Variants in ABCA8 observed in about 807,000 individuals in gnomAD.
ABCA8 encodes ATP binding cassette subfamily A member 8.
Under a neutral mutation model 192.3 loss-of-function variants are expected in ABCA8, and 177 were observed. That is an observed-to-expected ratio of 0.92 (90% CI 0.81 to 1.04). The LOEUF is 1.04. Among genes scored for constraint, ABCA8 ranks in the 50% least tolerant of loss-of-function variants. The pLI is 0.00. For synonymous variants in ABCA8, 642 were observed against 690.2 expected, an observed-to-expected ratio of 0.93 and a Z score of 1.09; for missense variants, 1,915 against 1,904.8, an observed-to-expected ratio of 1.01 and a Z score of -0.10.
At chr17:68,943,255 T>C (rs1032052694) in intron 2 of ABCA8, among the ~76,000 whole-genome samples, 9 of 152,172 alleles carry the variant, frequency 5.9e-5, no homozygotes, top group African/African-American at 2.2e-4. Flanking sequence ...CATTTTAAAG[T>C]GACATTTATT....
intron 11 of ABCA8, among the ~76,000 whole-genome samples, chr17:68,922,561 A>G (rs2067574582): frequency 6.6e-6 from 1 of 152,070 alleles, no homozygotes; most frequent in Admixed American, 6.6e-5. Context: ...AAGGTTCCAT[A>G]GATTGGGGTA....
At chr17:68,880,192 C>G (rs1235427966) in intron 32 of ABCA8, 2 of 152,396 alleles carry the variant, frequency 1.3e-5, no homozygotes, top group Non-Finnish European at 2.9e-5. Flanking sequence ...CAGCCAGATT[C>G]ACACAGACTT....
rs1027320838 is a variant in ABCA8 at position 68,911,732 on chromosome 17, A to C, written c.2139-3853T>G. 7.4e-5 allele frequency among the ~76,000 whole-genome samples: 6 copies of C among 81,620 alleles called. No homozygotes were observed. Among genetic ancestry groups the C allele is most frequent in the Non-Finnish European group, 1.0e-4 (4 of 38,160 alleles). The allele number at this position is 81,620 out of a possible 152,430, so 53.5% of individuals were successfully genotyped here. On this transcript the variant is annotated intron_variant, in intron 17 of 39. Coordinates refer to ENST00000586539, the MANE Select transcript of ABCA8 (RefSeq NM_001288985.2). This position sits in a 1 kb window ranked among gnomAD's most constrained non-coding sequence, Gnocchi z 5.7. ...CCCCTCTGCCAGCTCCAGACAGCTC[A>C]ATACACACACACACACACACACACA...
At chr17:68,940,362 C>G (rs1234092771) in intron 4 of ABCA8, among the ~76,000 whole-genome samples, 2 of 152,032 alleles carry the variant, frequency 1.3e-5, no homozygotes, top group Admixed American at 6.6e-5. Context: ...TTTTCTTTGT[C>G]TATAAGAACA....
intron 21 of ABCA8, among the ~76,000 whole-genome samples, chr17:68,899,714 A>G (rs1211477765): frequency 6.6e-6 from 1 of 152,234 alleles, no homozygotes; most frequent in Non-Finnish European, 1.5e-5. Context: ...GACATCAAAC[A>G]AGCCTCAACA....
rs775535928 is a variant in ABCA8 at position 68,876,611 on chromosome 17, C to A, written c.4275+17G>T. 3.7e-6 allele frequency: 6 copies of A among 1,614,028 alleles called. No homozygotes were observed. In the African/African-American group the frequency reaches 8.0e-5, roughly 22 times the overall value. ...CATCTATGGCACTTGCAGAGCAACA[C>A]CAAGCCCTGCCCGTACCTTTCTCTT... On this transcript the variant is annotated intron_variant, in intron 34 of 39. Coordinates refer to ENST00000586539, the MANE Select transcript of ABCA8 (RefSeq NM_001288985.2).
At chr17:68,873,096 G>GCTC (rs1327153886) in intron 37 of ABCA8, among the ~76,000 whole-genome samples, 2 of 152,128 alleles carry the variant, frequency 1.3e-5, no homozygotes, top group Non-Finnish European at 1.5e-5. Context: ...CTCACCAATG[G>GCTC]TCGCCCAGAG....
chr17:68,944,150 G>GTT (rs1157612879), intron 2 of ABCA8, among the ~76,000 whole-genome samples: 1 of 151,028 alleles, frequency 6.6e-6, no homozygotes, highest in Non-Finnish European at 1.5e-5. Flanking sequence ...ACTGGGTCCT[G>GTT]TTGGGGGGTG....
At chr17:68,897,304 G>A (rs2066791299) in intron 21 of ABCA8, among the ~76,000 whole-genome samples, 1 of 152,122 alleles carries the variant, frequency 6.6e-6, no homozygotes, top group African/African-American at 2.4e-5. Flanking sequence ...TTATGCCTCT[G>A]AAGAATGGCA....
rs1354102884 is a variant in ABCA8, at chr17:68,937,068, T to G, written c.349A>C (p.Thr117Pro). 1 of 1,610,710 alleles carries G rather than the reference T, an allele frequency of 6.2e-7. No homozygotes were observed. Among genetic ancestry groups the G allele is most frequent in the Non-Finnish European group, 8.5e-7 (1 of 1,178,630 alleles). The change falls in exon 5 of 40, where the codon ACA becomes CCA. Residue 117 changes from threonine (T) to proline (P), a missense_variant. Thr to Pro is a conservative substitution (Grantham distance 38). Transcript: ENST00000586539. The stretch of plus-strand genomic sequence containing the variant: ...ACTATTTCTTCAGGATAATTTGCTG[T>G]GAATTCTTTAATACTTTCCTCATCT... ...LPDEESIKEF[T>P]ANYPEEIVRV...
At chr17:68,901,051 A>G (rs12452031) in intron 21 of ABCA8, among the ~76,000 whole-genome samples, 63,988 of 152,062 alleles carry the variant, frequency 0.42, 14,065 homozygotes, top group East Asian at 0.56. Context: ...TGTTTACAGT[A>G]TGAGAGCTAA....
intron 19 of ABCA8, among the ~76,000 whole-genome samples, chr17:68,904,559 C>T (rs2067012210): frequency 6.6e-6 from 1 of 151,960 alleles, no homozygotes; most frequent in Non-Finnish European, 1.5e-5. Flanking sequence ...AAGGAGAAAA[C>T]CACCATAGGT....
chr17:68,874,578 A>C (rs1353573354), intron 37 of ABCA8, among the ~76,000 whole-genome samples: 2 of 152,244 alleles, frequency 1.3e-5, no homozygotes, highest in African/African-American at 4.8e-5. Context: ...CATGAGCTGG[A>C]CATTGAATTA....
At chr17:68,883,304 GC>G (rs1235905988) in intron 29 of ABCA8, among the ~76,000 whole-genome samples, 1 of 152,202 alleles carries the variant, frequency 6.6e-6, no homozygotes, top group Non-Finnish European at 1.5e-5. Context: ...CACAGAGGGA[GC>G]AAGATGCTTA....
At chr17:68,898,826 T>A (rs752369176) in intron 21 of ABCA8, among the ~76,000 whole-genome samples, 1 of 152,058 alleles carries the variant, frequency 6.6e-6, no homozygotes, top group Non-Finnish European at 1.5e-5. Flanking sequence ...CTCTTTCCTC[T>A]GATATAGCTG....
chr17:68,943,058 C>A (rs1291139253), intron 2 of ABCA8, among the ~76,000 whole-genome samples: 1 of 151,980 alleles, frequency 6.6e-6, no homozygotes, highest in Non-Finnish European at 1.5e-5. Context: ...TTATTTCTGG[C>A]AGAAATAATT....
intron 1 of ABCA8, among the ~76,000 whole-genome samples, chr17:68,953,503 A>G (rs1214513036): frequency 1.3e-5 from 2 of 152,166 alleles, no homozygotes; most frequent in African/African-American, 4.8e-5. Flanking sequence ...CACATTAGCC[A>G]CAGCAGTCTC....
At chr17:68,896,595 C>T (rs774003489) in intron 21 of ABCA8, among the ~76,000 whole-genome samples, 1 of 152,140 alleles carries the variant, frequency 6.6e-6, no homozygotes, top group South Asian at 2.1e-4. Flanking sequence ...GCTACCTACT[C>T]ATTAGTTACT....
intron 7 of ABCA8, chr17:68,931,618 A>T (rs866895665): frequency 6.6e-6 from 1 of 152,092 alleles, no homozygotes; most frequent in South Asian, 2.1e-4. Flanking sequence ...GTCCCCTTTT[A>T]TCTTATTTCC....
Sources: gnomAD v4.1 joint callset for allele counts (sites outside exome capture counted in the v4.1 genomes callset) on GRCh38, gnomAD v4.1.1 for gene constraint, Gnocchi (gnomAD v3.1) non-coding constraint, MANE v1.5 for transcripts, NCBI Gene and HGNC (gene_info 2026-07-23, HGNC 2026-07-21) for gene names.